ATP12A: variants seen among roughly 807,000 people sequenced by gnomAD.
ATP12A encodes the protein potassium-transporting ATPase alpha chain 2.
A neutral mutation model predicts 111.2 loss-of-function variants in ATP12A; 81 were observed. That is an observed-to-expected ratio of 0.73 (90% CI 0.61 to 0.88). The LOEUF is 0.88. Ranked by LOEUF, ATP12A falls within the 40% of genes least tolerant of loss-of-function variation. The probability of loss-of-function intolerance (pLI) is 0.00; values close to 1 mark genes in which losing one functional copy is unlikely to be tolerated. For missense variants in ATP12A, 1,196 were observed against 1,313.1 expected (o/e 0.91, Z 1.38); for synonymous variants, 498 against 499.8 (o/e 1.00, Z 0.05).
Position 24,698,718 on chromosome 13 carries a change from G to A in ATP12A, c.1573G>A (p.Ala525Thr), listed in dbSNP as rs967156411. The change falls in exon 12 of 23, where the codon GCC becomes ACC. Residue 525 changes from alanine (A) to threonine (T), a missense_variant. Physicochemically the swap from Ala to Thr is moderately conservative, Grantham distance 58. Around this residue, in one of 3 missense-constraint regions of ATP12A, gnomAD observed 1,126 missense variants for 1,228.5 expected, o/e 0.92. Transcript: ENST00000381946. Reference protein sequence around the residue: ...GKRFLMVMKGAPERILEKCST... With the variant: ...GKRFLMVMKGTPERILEKCST... Reference sequence around the variant, plus strand: ...GCGCTTCCTCATGGTGATGAAGGGGGCCCCTGAGCGCATCCTAGAGAAATG... The same window carrying A: ...GCGCTTCCTCATGGTGATGAAGGGGACCCCTGAGCGCATCCTAGAGAAATG... 1.2e-6 allele frequency: 2 copies of A among 1,613,986 alleles called. No homozygotes were observed. Among genetic ancestry groups the A allele is most frequent in the African/African-American group, 1.3e-5 (1 of 75,034 alleles).
chr13:24,708,982 G>A (rs1210888791), intron 17 of ATP12A, among the ~76,000 whole-genome samples: 1 of 133,374 alleles, frequency 7.5e-6, no homozygotes, highest in Non-Finnish European at 1.7e-5. Context: ...AAAGAGAAAT[G>A]AATGCAAATT....
intron 19 of ATP12A, among the ~76,000 whole-genome samples, chr13:24,710,148 T>C (rs991235515): frequency 9.2e-5 from 14 of 152,218 alleles, no homozygotes; most frequent in African/African-American, 3.1e-4. Context: ...CTAATGCCTA[T>C]AATCCCAGCA....
intron 14 of ATP12A, chr13:24,703,764 C>G (rs1875497648): frequency 6.6e-6 from 1 of 152,392 alleles, no homozygotes; most frequent in Middle Eastern, 3.4e-3. Context: ...CTCCTGGGTT[C>G]AAGGGATCCT....
chr13:24,708,967 AAG>A (rs1441227153), intron 17 of ATP12A, among the ~76,000 whole-genome samples: 8 of 149,936 alleles, frequency 5.3e-5, no homozygotes, highest in South Asian at 2.1e-4. Flanking sequence ...GAAAGAAGGA[AAG>A]AGAAAGAGAA....
chr13:24,693,552 T>C (rs1875000997), intron 10 of ATP12A, among the ~76,000 whole-genome samples: 1 of 152,230 alleles, frequency 6.6e-6, no homozygotes, highest in Non-Finnish European at 1.5e-5. Flanking sequence ...TCCAAATCTT[T>C]ATGTCCAGCT....
In ATP12A at chr13:24,707,288, T is replaced by C; in HGVS notation, c.2348T>C (p.Ile783Thr). 1.2e-6 allele frequency: 2 copies of C among 1,614,204 alleles called. No homozygotes were observed. The highest frequency in any genetic ancestry group is 1.7e-6 in the Non-Finnish European group (2 of 1,180,020). Residue 783 changes from isoleucine to threonine, a missense_variant, in exon 17 of 23, where the codon ATC becomes ACC. This residue lies in a region of ATP12A where 1,126 missense variants were observed against 1,228.5 expected (regional missense o/e 0.92). Coordinates refer to ENST00000381946, the MANE Select transcript of ATP12A (RefSeq NM_001676.7). ...IVTGVEEGRL[I>T]FDNLKKTIAY... ...AAACCTCTCTGCCTAGGTCGCCTGA[T>C]CTTTGACAACCTCAAGAAGACTATT...
At chr13:24,681,435 C>G (rs745883173) in intron 1 of ATP12A, 127 bp from the exon 2 acceptor site, 60 of 1,182,814 alleles carry the variant, frequency 5.1e-5, no homozygotes, top group Non-Finnish European at 6.6e-5. Context: ...TCCGGCCTCC[C>G]CAGAGGAGGG....
At position 24,698,937 on chromosome 13, in the gene ATP12A, G is replaced by A; in HGVS notation, c.1705+87G>A. ...TGAGGACCTGTGACCTAGCCCAGTG[G>A]CCATGGCATCCACGTGAAGCATGTA... On this transcript the variant is annotated intron_variant, in intron 12 of 22. Transcript: ENST00000381946. 4.8e-6 allele frequency: 7 copies of A among 1,470,038 alleles called. No homozygotes were observed. The South Asian group carries it at 7.7e-5, about 16-fold the overall frequency. The allele number at this position is 1,470,038 out of a possible 1,614,324, so 91.1% of individuals were successfully genotyped here.
In ATP12A at chr13:24,701,991, G is replaced by T. The variant is rs1393026655; in HGVS notation, c.1938G>T (p.Val646=). Residue 646 remains valine, a synonymous_variant, in exon 14 of 23, where the codon GTG becomes GTT. Transcript: ENST00000381946. The part of the protein sequence containing the change: ...PITAKAIAKS[V]GIISANSETV... ...CAGCCAAAGCTATTGCCAAGAGTGT[G>T]GGGATCATTTCAGCCAACAGTGAAA... The T allele has an allele frequency of 6.2e-7, 1 of 1,614,208 alleles. No homozygotes were observed. The highest frequency in any genetic ancestry group is 1.1e-5 in the South Asian group (1 of 91,086).
chr13:24,687,965 C>A (rs1236045893), intron 3 of ATP12A, among the ~76,000 whole-genome samples: 1 of 152,226 alleles, frequency 6.6e-6, no homozygotes, highest in African/African-American at 2.4e-5. Context: ...CTGGTCGCTA[C>A]CATTGACAGG....
chr13:24,689,419 G>A, intron 5 of ATP12A, 44 bp downstream of exon 5: 1 of 1,538,278 alleles, frequency 6.5e-7, no homozygotes, highest in South Asian at 1.1e-5. Flanking sequence ...TGACTCCCAG[G>A]TGAGGAAGCC....
chr13:24,706,271 A>G (rs761508974), intron 14 of ATP12A, 42 bp from the exon 15 acceptor site: 7 of 1,603,394 alleles, frequency 4.4e-6, no homozygotes, highest in Non-Finnish European at 6.0e-6. Flanking sequence ...TCAACCTAAG[A>G]TCTGCCCTTG....
chr13:24,686,576 T>C (rs1252169074), intron 3 of ATP12A, among the ~76,000 whole-genome samples: 1 of 150,064 alleles, frequency 6.7e-6, no homozygotes, highest in African/African-American at 2.5e-5. Context: ...CCGTCTCTAC[T>C]AAAAATACAA....
At chr13:24,697,352 G>A (rs1875209375) in intron 11 of ATP12A, among the ~76,000 whole-genome samples, 3 of 152,142 alleles carry the variant, frequency 2.0e-5, no homozygotes. Flanking sequence ...GCCTTATCTT[G>A]GCCAGGTACA....
chr13:24,707,269 C>T lies in ATP12A; in HGVS notation c.2339-10C>T, dbSNP rs761650554. ...GAAGTAAGTTCTGAAGGAGAAACCTCTCTGCCTAGGTCGCCTGATCTTTGA... is the reference window on the plus strand; with the variant it reads ...GAAGTAAGTTCTGAAGGAGAAACCTTTCTGCCTAGGTCGCCTGATCTTTGA... On this transcript the variant is annotated splice_polypyrimidine_tract_variant and intron_variant, in intron 16 of 22. Transcript: ENST00000381946. The T allele has an allele frequency of 6.2e-7, 1 of 1,614,066 alleles. No homozygotes were observed. Among genetic ancestry groups the T allele is most frequent in the Non-Finnish European group, 8.5e-7 (1 of 1,180,020 alleles).
At chr13:24,694,604 T>C (rs757231854) in intron 11 of ATP12A, 26 bp downstream of exon 11, 6 of 1,611,282 alleles carry the variant, frequency 3.7e-6, no homozygotes, top group Non-Finnish European at 5.1e-6. Flanking sequence ...CAACCGGTAA[T>C]CTCTGTCATC....
In ATP12A at chr13:24,692,561, A is replaced by T. The variant is rs1233417536; in HGVS notation, c.1201A>T (p.Met401Leu). The T allele has an allele frequency of 6.2e-7, 1 of 1,614,134 alleles. No homozygotes were observed. The highest frequency in any genetic ancestry group is 8.5e-7 in the Non-Finnish European group (1 of 1,180,014). ...GACTGGGACACTGACCCAGAACAGG[A>T]TGACAGTGGCCCATCTGTGGTTCGA... ...DKTGTLTQNRMTVAHLWFDNQ... is the reference protein window; with the variant it reads ...DKTGTLTQNRLTVAHLWFDNQ... The change falls in exon 9 of 23, where the codon ATG (methionine) becomes TTG (leucine). Residue 401 changes from methionine (M) to leucine (L), a missense_variant. By Grantham distance (15) the Met-to-Leu change is conservative. This residue lies in a region of ATP12A where 1,126 missense variants were observed against 1,228.5 expected (regional missense o/e 0.92). Transcript: ENST00000381946.
intron 2 of ATP12A, among the ~76,000 whole-genome samples, chr13:24,682,745 C>T (rs1593129359): frequency 6.6e-6 from 1 of 152,258 alleles, no homozygotes; most frequent in Admixed American, 6.5e-5. Context: ...GGACCTCGGG[C>T]CCCATCAGAG....
intron 17 of ATP12A, 151 bp downstream of exon 17, chr13:24,707,584 T>C: frequency 9.3e-7 from 1 of 1,077,498 alleles, no homozygotes; most frequent in Non-Finnish European, 1.3e-6. Context: ...TCACAGGTTC[T>C]CAGGTGGTGC....
Sources: allele counts gnomAD v4.1 joint callset (sites outside exome capture counted in the v4.1 genomes callset), GRCh38; gene constraint gnomAD v4.1.1; regional missense constraint gnomAD v4.1.1; transcripts MANE v1.5; gene names NCBI Gene and HGNC (gene_info 2026-07-23, HGNC 2026-07-21).